The following ATAD2 variants were observed in gnomAD, a reference collection of about 807,000 sequenced individuals.
The protein encoded by ATAD2 is ATPase family AAA domain-containing protein 2.
A neutral mutation model predicts 168.9 loss-of-function variants in ATAD2; 62 were observed. The observed-to-expected ratio is 0.37, with a 90% CI of 0.30 to 0.45. ATAD2 has a LOEUF of 0.45. ATAD2 is among the 20% of genes least tolerant of loss of function. ATAD2 has a pLI of 1.00. For synonymous variants in ATAD2, 613 were observed against 571.6 expected (o/e 1.07, Z -1.03); for missense variants, 1,419 against 1,667.8 (o/e 0.85, Z 2.60).
At chr8:123,323,934 C>T (rs1480153430) in intron 26 of ATAD2, among the ~76,000 whole-genome samples, 2 of 152,114 alleles carry the variant, frequency 1.3e-5, no homozygotes, top group Non-Finnish European at 2.9e-5. Context: ...CTCTGAATGA[C>T]ATACATGTAT....
chr8:123,331,605 A>G (rs893991960), intron 24 of ATAD2, among the ~76,000 whole-genome samples: 9 of 152,194 alleles, frequency 5.9e-5, no homozygotes, highest in Non-Finnish European at 7.3e-5. Context: ...GCAGGGTACT[A>G]CAGCTGCAGA....
At chr8:123,359,797 G>A (rs1054079149) in intron 9 of ATAD2, 112 bp from the exon 10 acceptor site, 14 of 707,580 alleles carry the variant, frequency 2.0e-5, no homozygotes, top group African/African-American at 5.5e-5. Flanking sequence ...AATTTCAACC[G>A]GAGCAATCTT....
At chr8:123,404,489 ACT>A in intron 1 of ATAD2, among the ~76,000 whole-genome samples, 1 of 149,516 alleles carries the variant, frequency 6.7e-6, no homozygotes, top group East Asian at 2.0e-4. Context: ...GTAAGTCCAC[ACT>A]CTGCTTTCAC....
intron 1 of ATAD2, among the ~76,000 whole-genome samples, chr8:123,405,995 G>C (rs1563872577): frequency 6.6e-6 from 1 of 152,156 alleles, no homozygotes; most frequent in Non-Finnish European, 1.5e-5. Flanking sequence ...AAAGAAGCCT[G>C]AATAATTCCT....
intron 26 of ATAD2, among the ~76,000 whole-genome samples, 153 bp downstream of exon 26, chr8:123,325,740 G>A (rs887298840): frequency 6.6e-6 from 1 of 152,172 alleles, no homozygotes; most frequent in Non-Finnish European, 1.5e-5. Context: ...TTTGGAACAG[G>A]GGAAGGAGAA....
At chr8:123,375,963 G>A (rs1279027148) in intron 2 of ATAD2, among the ~76,000 whole-genome samples, 1 of 152,142 alleles carries the variant, frequency 6.6e-6, no homozygotes, top group Non-Finnish European at 1.5e-5. Context: ...AAAATTGGCT[G>A]GGCGTGGTGG....
chr8:123,323,325 C>T (rs1397658303), intron 26 of ATAD2, among the ~76,000 whole-genome samples: 1 of 152,120 alleles, frequency 6.6e-6, no homozygotes, highest in Admixed American at 6.5e-5. Flanking sequence ...TAGCCATAAG[C>T]ATCTACAAAC....
rs78146742 is a variant in ATAD2, at chr8:123,320,470, G to A, written c.*664C>T. 5 of 152,276 alleles carry A rather than the reference G, an allele frequency of 3.3e-5. No individual in the cohort carries two copies. In the East Asian group the frequency reaches 9.6e-4, roughly 29 times the overall value. 9.4% of individuals were successfully genotyped at this position (152,276 alleles called of 1,614,324 possible). Reference sequence around the variant, plus strand: ...TAACAAGGTAGTTATTAATACATTTGTTGTGTATATAATTACAAAAGTAAA... The same window carrying A: ...TAACAAGGTAGTTATTAATACATTTATTGTGTATATAATTACAAAAGTAAA... On this transcript the variant is annotated 3_prime_UTR_variant, in exon 28 of 28. Coordinates refer to ENST00000287394, the MANE Select transcript of ATAD2 (RefSeq NM_014109.4).
chr8:123,400,951 C>A (rs189556306), upstream of ATAD2: 1,512 of 1,416,174 alleles, frequency 1.1e-3, 30 homozygotes, highest in Admixed American at 0.023. The surrounding 1 kb of genome is among the most constrained non-coding windows in gnomAD (Gnocchi z 4.5). Context: ...CCCCTCGCAC[C>A]CTGTGGGTGA....
At chr8:123,366,290 T>C (rs532457972) in intron 8 of ATAD2, among the ~76,000 whole-genome samples, 2 of 152,104 alleles carry the variant, frequency 1.3e-5, no homozygotes, top group African/African-American at 4.8e-5. Context: ...GTGTATATAG[T>C]GACCACTTCT....
rs1296306128 is a variant in ATAD2, at chr8:123,386,909, T to C, written c.172-6232A>G. ...AGGCAGCAAGAAAGACTCAACAATG[T>C]GGGCAAAAAAAAAAAAAAATTATGT... On this transcript the variant is annotated intron_variant, in intron 1 of 27. Coordinates refer to ENST00000287394, the MANE Select transcript of ATAD2 (RefSeq NM_014109.4). 2.1e-5 allele frequency among the ~76,000 whole-genome samples: 3 copies of C among 145,836 alleles called. No individual in the cohort carries two copies. In the East Asian group the frequency reaches 5.9e-4, roughly 29 times the overall value.
At chr8:123,415,690 G>A (rs925296900) in intron 1 of ATAD2, among the ~76,000 whole-genome samples, 1 of 152,132 alleles carries the variant, frequency 6.6e-6, no homozygotes, top group African/African-American at 2.4e-5. Context: ...CGCCTCCCGG[G>A]TTCAGGCGAT....
intron 27 of ATAD2, among the ~76,000 whole-genome samples, chr8:123,322,407 G>A (rs945281474): frequency 1.3e-5 from 2 of 152,174 alleles, no homozygotes; most frequent in African/African-American, 2.4e-5. Flanking sequence ...AGTGGCTCAC[G>A]TTTGTAATTC....
intron 1 of ATAD2, among the ~76,000 whole-genome samples, chr8:123,407,839 T>G (rs1813088207): frequency 7.3e-6 from 1 of 137,800 alleles, no homozygotes. Context: ...GGTGACGGAG[T>G]GAGACTCCGT....
Position 123,369,885 on chromosome 8 carries a change from CTCT to C in ATAD2, c.864_866del (p.Glu289del), listed in dbSNP as rs781507263. On this transcript the variant is annotated inframe_deletion, in exon 7 of 28. Coordinates refer to ENST00000287394, the MANE Select transcript of ATAD2 (RefSeq NM_014109.4). ...GTCTAAGATAATATCGCTTCTGATT[CTCT>C]TCTTCTCCATCTTCTTCATCTTCAT... The C allele has an allele frequency of 1.7e-5, 28 of 1,611,116 alleles. No homozygotes were observed. In the African/African-American group the frequency reaches 2.3e-4, roughly 13 times the overall value.
intron 8 of ATAD2, among the ~76,000 whole-genome samples, chr8:123,368,760 C>T (rs546034800): frequency 6.6e-6 from 1 of 152,270 alleles, no homozygotes; most frequent in Admixed American, 6.5e-5. Context: ...AAATGCTTAA[C>T]ACAGAGCCAG....
intron 19 of ATAD2, chr8:123,344,683 C>A (rs1292861639): frequency 3.5e-6 from 2 of 567,996 alleles, no homozygotes; most frequent in Non-Finnish European, 6.1e-6. Flanking sequence ...ATTTATGTAT[C>A]CTTAATATAT....
intron 24 of ATAD2, among the ~76,000 whole-genome samples, chr8:123,330,180 G>A (rs1827737550): frequency 1.3e-5 from 2 of 151,742 alleles, no homozygotes; most frequent in African/African-American, 4.8e-5. Context: ...TTTAGAGATG[G>A]GGTCTTGCTC....
intron 1 of ATAD2, among the ~76,000 whole-genome samples, chr8:123,381,694 AT>A (rs1252058561): frequency 6.6e-6 from 1 of 152,270 alleles, no homozygotes; most frequent in African/African-American, 2.4e-5. Flanking sequence ...CATATAGAGT[AT>A]TTTCACATTA....
Sources: allele counts gnomAD v4.1 joint callset (sites outside exome capture counted in the v4.1 genomes callset), GRCh38; gene constraint gnomAD v4.1.1; non-coding constraint Gnocchi (gnomAD v3.1); transcripts MANE v1.5; gene names NCBI Gene and HGNC (gene_info 2026-07-23, HGNC 2026-07-21).